Variants in ZDHHC23 observed in about 807,000 individuals in gnomAD.
The protein encoded by ZDHHC23 is zDHHC palmitoyltransferase 23, also known as palmitoyltransferase ZDHHC23.
In ZDHHC23, 41 loss-of-function variants were observed where a neutral mutation model predicts 40.2. That is an observed-to-expected ratio of 1.02 (90% confidence interval 0.79 to 1.32). The LOEUF is 1.32. Among genes scored for constraint, ZDHHC23 ranks in the 40% most tolerant of loss-of-function variants. The pLI, the probability that ZDHHC23 is intolerant of heterozygous loss-of-function variation, is 0.00. For missense variants in ZDHHC23, 471 were observed against 541.5 expected (o/e 0.87, Z 1.29); for synonymous variants, 204 against 210.2 (o/e 0.97, Z 0.26).
At chr3:113,973,587 G>A in the ZDHHC23 span, among the ~76,000 whole-genome samples, 1 of 146,666 alleles carries the variant, frequency 6.8e-6, no homozygotes, top group Non-Finnish European at 1.5e-5. Context: ...CAGTATTCTT[G>A]GATGGCAGGT....
At chr3:113,968,619 G>GT (rs1194856272), downstream of ZDHHC23, among the ~76,000 whole-genome samples, 64 of 145,320 alleles carry the variant, frequency 4.4e-4, no homozygotes, top group Non-Finnish European at 7.6e-4. Flanking sequence ...CTGGCTAATA[G>GT]TTTTTTGTTT....
At chr3:113,958,198 A>G (rs1939415371) in intron 4 of ZDHHC23, among the ~76,000 whole-genome samples, 165 bp from the exon 5 acceptor site, 1 of 152,198 alleles carries the variant, frequency 6.6e-6, no homozygotes, top group South Asian at 2.1e-4. Context: ...ACATTCTCCT[A>G]CTTAAGCAGG....
Position 113,960,850 on chromosome 3 carries a change from T to C in ZDHHC23, c.*2220T>C, listed in dbSNP as rs1044558346. On this transcript the variant is annotated 3_prime_UTR_variant, in exon 5 of 5. Transcript: ENST00000638807. The stretch of plus-strand genomic sequence containing the variant: ...AACCCATGATGGACAGTTGACAGAA[T>C]GCTTAAACCTGTCAAAAGATGAGTG... 2 of 1,430,494 alleles carry C rather than the reference T, an allele frequency of 1.4e-6. No homozygotes were observed. The highest frequency in any genetic ancestry group is 2.7e-5 in the Admixed American group (1 of 36,484). 88.6% of individuals were successfully genotyped at this position (1,430,494 alleles called of 1,614,324 possible).
chr3:113,971,780 A>G, the ZDHHC23 span, among the ~76,000 whole-genome samples: 795 of 152,194 alleles, frequency 5.2e-3, 8 homozygotes, highest in African/African-American at 0.017. Flanking sequence ...GTTTGGTACA[A>G]TTTAGCAGTT....
In ZDHHC23 at chr3:113,959,507, C is replaced by T. The variant is rs1473192782; in HGVS notation, c.*877C>T. The T allele has an allele frequency of 2.4e-6, 3 of 1,275,746 alleles. No individual in the cohort carries two copies. The highest frequency in any genetic ancestry group is 3.1e-6 in the Non-Finnish European group (3 of 977,922). The allele number at this position is 1,275,746 out of a possible 1,614,324, so 79.0% of individuals were successfully genotyped here. A position where few individuals can be genotyped will look rare whatever the true frequency, so the allele number is the denominator to read the frequency against. ...AGGCATTCATGTGTTTTTCCTCTTC[C>T]CATGTTTCACCAGGTAAGGTGCTAG... is the stretch of plus-strand genomic sequence containing the variant. On this transcript the variant is annotated 3_prime_UTR_variant, in exon 5 of 5. Transcript: ENST00000638807.
At position 113,960,894 on chromosome 3, in the gene ZDHHC23, C is replaced by T. The variant is rs1939636601; in HGVS notation, c.*2264C>T. 8.8e-7 allele frequency: 1 copy of T among 1,142,564 alleles called. No homozygotes were observed. The highest frequency in any genetic ancestry group is 1.2e-6 in the Non-Finnish European group (1 of 846,942). The allele number at this position is 1,142,564 out of a possible 1,614,324, so 70.8% of individuals were successfully genotyped here. A position where few individuals can be genotyped will look rare whatever the true frequency, so the allele number is the denominator to read the frequency against. On this transcript the variant is annotated 3_prime_UTR_variant, in exon 5 of 5. Transcript: ENST00000638807. ...ATGAGTGATCTTGTGTGGGAAAAGC[C>T]TTCCCAGGCGTCTGTACCGAAAGGA...
intron 3 of ZDHHC23, among the ~76,000 whole-genome samples, chr3:113,955,864 A>G (rs1176377337): frequency 6.6e-6 from 1 of 152,246 alleles, no homozygotes; most frequent in Admixed American, 6.5e-5. Flanking sequence ...ATAAGACTGC[A>G]TTCCTCAGGG....
In ZDHHC23 at chr3:113,960,644, G is replaced by T; in HGVS notation, c.*2014G>T. On this transcript the variant is annotated 3_prime_UTR_variant, in exon 5 of 5. Transcript: ENST00000638807. ...ATGTAATGTGATGTGATGAAGATAA[G>T]TAGTACAAAGAGACCAAAATAATTT... is the stretch of plus-strand genomic sequence containing the variant. 1 of 1,598,888 alleles carries T rather than the reference G, an allele frequency of 6.3e-7. No homozygotes were observed. The highest frequency in any genetic ancestry group is 8.5e-7 in the Non-Finnish European group (1 of 1,175,418).
chr3:113,975,253 C>T, the ZDHHC23 span, among the ~76,000 whole-genome samples: 1 of 152,170 alleles, frequency 6.6e-6, no homozygotes, highest in African/African-American at 2.4e-5. Context: ...TGTAAGATTA[C>T]AAGTTATGTT....
chr3:113,965,126 T>C (rs1301586399), downstream of ZDHHC23: 1 of 1,467,746 alleles, frequency 6.8e-7, no homozygotes, highest in Non-Finnish European at 9.3e-7. Context: ...TAGTCGAGCT[T>C]CCTGTCCTAA....
chr3:113,978,277 T>G, the ZDHHC23 span: 267 of 1,613,882 alleles, frequency 1.7e-4, no homozygotes, highest in Non-Finnish European at 2.0e-4. Context: ...AAAATCTTCT[T>G]TTGAAGAAAA....
chr3:113,956,553 G>C, intron 4 of ZDHHC23, 47 bp downstream of exon 4: 1 of 1,550,394 alleles, frequency 6.4e-7, no homozygotes, highest in South Asian at 1.2e-5. Context: ...GAAGTAATGG[G>C]TGTTGCCATT....
chr3:113,977,904 AG>A, the ZDHHC23 span, among the ~76,000 whole-genome samples: 4 of 152,246 alleles, frequency 2.6e-5, no homozygotes, highest in African/African-American at 9.6e-5. Context: ...ACTTTTGCTT[AG>A]GTGTGTTTCA....
rs1219473970 is a variant in ZDHHC23 at position 113,959,019 on chromosome 3, C to G, written c.*389C>G. 2 of 1,109,136 alleles carry G rather than the reference C, an allele frequency of 1.8e-6. No homozygotes were observed. The highest frequency in any genetic ancestry group is 3.3e-5 in the African/African-American group (2 of 60,850). The allele number at this position is 1,109,136 out of a possible 1,614,324, so 68.7% of individuals were successfully genotyped here. A position where few individuals can be genotyped will look rare whatever the true frequency, so the allele number is the denominator to read the frequency against. On this transcript the variant is annotated 3_prime_UTR_variant, in exon 5 of 5. Coordinates refer to ENST00000638807, the MANE Select transcript of ZDHHC23 (RefSeq NM_001320466.2). Reference sequence around the variant, plus strand: ...AGCCATGTGACCCCTAGCTGAGTCACTTTCCCAAGTCTCAGGGTCATCTGC... The same window carrying G: ...AGCCATGTGACCCCTAGCTGAGTCAGTTTCCCAAGTCTCAGGGTCATCTGC...
Position 113,960,208 on chromosome 3 carries a change from C to T in ZDHHC23, c.*1578C>T, listed in dbSNP as rs928568571. On this transcript the variant is annotated 3_prime_UTR_variant, in exon 5 of 5. Coordinates refer to ENST00000638807, the MANE Select transcript of ZDHHC23 (RefSeq NM_001320466.2). ...CACTTCCACCCTCTGCAGCCAGCAC[C>T]GTCCCTACTGTTGCCATTAATTGGA... The T allele has an allele frequency of 4.0e-4, 400 of 992,700 alleles. 1 individual carries two copies. The highest frequency in any genetic ancestry group is 4.6e-4 in the Non-Finnish European group (385 of 834,398). 61.5% of individuals were successfully genotyped at this position (992,700 alleles called of 1,614,324 possible). A position where few individuals can be genotyped will look rare whatever the true frequency, so the allele number is the denominator to read the frequency against.
In ZDHHC23 at chr3:113,959,278, C is replaced by T. The variant is rs1559851713; in HGVS notation, c.*648C>T. Reference sequence around the variant, plus strand: ...TTGTTGTACAGTTATGAGAATTTCTCCTTCTTATTAGACATGAACTACTCA... The same window carrying T: ...TTGTTGTACAGTTATGAGAATTTCTTCTTCTTATTAGACATGAACTACTCA... On this transcript the variant is annotated 3_prime_UTR_variant, in exon 5 of 5. Transcript: ENST00000638807. 17 of 1,083,686 alleles carry T rather than the reference C, an allele frequency of 1.6e-5. No homozygotes were observed. The highest frequency in any genetic ancestry group is 8.0e-5 in the South Asian group (3 of 37,536). 67.1% of individuals were successfully genotyped at this position (1,083,686 alleles called of 1,614,324 possible).
At position 113,960,928 on chromosome 3, in the gene ZDHHC23, C is replaced by G. The variant is rs1242929056; in HGVS notation, c.*2298C>G. 1.4e-6 allele frequency: 1 copy of G among 729,362 alleles called. No individual in the cohort carries two copies. Among genetic ancestry groups the G allele is most frequent in the African/African-American group, 1.9e-5 (1 of 53,464 alleles). 45.2% of individuals were successfully genotyped at this position (729,362 alleles called of 1,614,324 possible). ...CGTCTGTACCGAAAGGAGCAGCAAA[C>G]AAGGGGCTAATCCATGAGCAGTGTT... On this transcript the variant is annotated 3_prime_UTR_variant, in exon 5 of 5. Transcript: ENST00000638807.
chr3:113,975,306 G>A, the ZDHHC23 span, among the ~76,000 whole-genome samples: 1 of 152,120 alleles, frequency 6.6e-6, no homozygotes, highest in South Asian at 2.1e-4. Context: ...CAGCTTAAAG[G>A]TCAGGCTTAA....
chr3:113,954,058 C>G lies in ZDHHC23; in HGVS notation c.520C>G (p.Leu174Val). ...TGTGGGTCCCGTTCAGCTGGCGGTT[C>G]TTACCTGCGGGTTATTTCTGATACT... is the stretch of plus-strand genomic sequence containing the variant. ...GRVGPVQLAV[L>V]TCGLFLILLA... Residue 174 changes from leucine to valine, a missense_variant, in exon 3 of 5, where the codon CTT (leucine) becomes GTT (valine). By Grantham distance (32) the Leu-to-Val change is conservative. Coordinates refer to ENST00000638807, the MANE Select transcript of ZDHHC23 (RefSeq NM_001320466.2). The G allele has an allele frequency of 6.2e-7, 1 of 1,614,162 alleles. No individual in the cohort carries two copies. The highest frequency in any genetic ancestry group is 8.5e-7 in the Non-Finnish European group (1 of 1,180,026).
Sources: allele counts gnomAD v4.1 joint callset (sites outside exome capture counted in the v4.1 genomes callset), GRCh38; gene constraint gnomAD v4.1.1; transcripts MANE v1.5; gene names NCBI Gene and HGNC (gene_info 2026-07-23, HGNC 2026-07-21).